The following TRAPPC9 variants were observed in gnomAD, a reference collection of about 807,000 sequenced individuals.
TRAPPC9 encodes IKK2 binding protein.
Under a neutral mutation model 124.0 loss-of-function variants are expected in TRAPPC9, and 83 were observed. The observed-to-expected ratio is 0.67, with a 90% CI of 0.56 to 0.80. TRAPPC9 has a LOEUF of 0.80. Ranked by LOEUF, TRAPPC9 falls within the 30% of genes least tolerant of loss-of-function variation. TRAPPC9 has a pLI of 0.00. For synonymous variants in TRAPPC9, 638 were observed against 617.5 expected, an observed-to-expected ratio of 1.03 and a Z score of -0.49; for missense variants, 1,302 against 1,508.3, an observed-to-expected ratio of 0.86 and a Z score of 2.27.
At chr8:140,412,864 G>C (rs796759802) in intron 5 of TRAPPC9, among the ~76,000 whole-genome samples, 9 of 144,290 alleles carry the variant, frequency 6.2e-5, no homozygotes, top group African/African-American at 2.2e-4. Context: ...TATACAACTG[G>C]GAATATAAAT....
intron 17 of TRAPPC9, among the ~76,000 whole-genome samples, chr8:140,208,793 A>C (rs1230988384): frequency 6.6e-6 from 1 of 152,224 alleles, no homozygotes; most frequent in Non-Finnish European, 1.5e-5. Context: ...CCCTTGAACA[A>C]CATGGGTCTG....
intron 19 of TRAPPC9, among the ~76,000 whole-genome samples, chr8:139,974,082 A>AGGC (rs1836281424): frequency 6.6e-6 from 1 of 152,110 alleles, no homozygotes; most frequent in South Asian, 2.1e-4. Flanking sequence ...CGTCAGGGAG[A>AGGC]GGCGGTGAGG....
In TRAPPC9 at chr8:140,397,624, C is replaced by T; in HGVS notation, c.1130G>A (p.Arg377Gln). ...TACAGGTAGACATACACTCACCTGTCGAAGGTTAATGTAAACTGCATTCTG... is the reference window on the plus strand; with the variant it reads ...TACAGGTAGACATACACTCACCTGTTGAAGGTTAATGTAAACTGCATTCTG... ...FLQNAVYINLRQLSEEEKIQR... is the reference protein window; with the variant it reads ...FLQNAVYINLQQLSEEEKIQR... Residue 377 changes from arginine (R) to glutamine (Q), a missense_variant, in exon 7 of 23, where the codon CGA (arginine) becomes CAA (glutamine). Transcript: ENST00000438773. 1 of 1,614,026 alleles carries T rather than the reference C, an allele frequency of 6.2e-7. No homozygotes were observed. Among genetic ancestry groups the T allele is most frequent in the Non-Finnish European group, 8.5e-7 (1 of 1,179,974 alleles).
intron 21 of TRAPPC9, among the ~76,000 whole-genome samples, chr8:139,823,356 G>T (rs1054937170): frequency 3.9e-5 from 6 of 152,012 alleles, no homozygotes; most frequent in Admixed American, 6.6e-5. Flanking sequence ...AGGCTAAGGG[G>T]CTCAAGCAAG....
chr8:139,957,850 C>T (rs1231324452), intron 19 of TRAPPC9, among the ~76,000 whole-genome samples: 1 of 152,226 alleles, frequency 6.6e-6, no homozygotes, highest in African/African-American at 2.4e-5. Context: ...CCAACCATCC[C>T]AGCCTCCTCT....
chr8:139,734,274 C>G (rs557989445), intron 21 of TRAPPC9, among the ~76,000 whole-genome samples: 2 of 152,192 alleles, frequency 1.3e-5, no homozygotes, highest in Admixed American at 1.3e-4. Context: ...TTTAAGGGTA[C>G]GCAATTCTGA....
intron 18 of TRAPPC9, among the ~76,000 whole-genome samples, chr8:140,022,179 G>C (rs1456299600): frequency 6.6e-6 from 1 of 152,204 alleles, no homozygotes; most frequent in Admixed American, 6.5e-5. Flanking sequence ...TCAGCAGAGA[G>C]ACCAATGGGG....
intron 17 of TRAPPC9, among the ~76,000 whole-genome samples, chr8:140,177,009 T>C (rs1408259996): frequency 6.6e-6 from 1 of 152,236 alleles, no homozygotes; most frequent in African/African-American, 2.4e-5. Flanking sequence ...TTTGTCTTAC[T>C]ATTGGTTGTA....
At chr8:140,322,117 AG>A (rs1227412787) in intron 9 of TRAPPC9, among the ~76,000 whole-genome samples, 3 of 152,214 alleles carry the variant, frequency 2.0e-5, no homozygotes, top group Admixed American at 1.3e-4. Context: ...CCCAAAATGC[AG>A]AAAGCCAGAG....
intron 19 of TRAPPC9, among the ~76,000 whole-genome samples, chr8:139,927,535 T>C (rs1429512957): frequency 6.6e-6 from 1 of 152,192 alleles, no homozygotes; most frequent in Non-Finnish European, 1.5e-5. Flanking sequence ...TGTGAGCCAC[T>C]GCACCTGACC....
intron 19 of TRAPPC9, among the ~76,000 whole-genome samples, chr8:139,922,374 C>T (rs557483415): frequency 9.9e-4 from 151 of 152,270 alleles, no homozygotes; most frequent in Non-Finnish European, 1.7e-3. Flanking sequence ...AGTAGAGATG[C>T]GGTTTCACCA....
At chr8:140,408,459 G>A (rs975597052) in intron 5 of TRAPPC9, among the ~76,000 whole-genome samples, 8 of 152,098 alleles carry the variant, frequency 5.3e-5, no homozygotes, top group African/African-American at 1.9e-4. Flanking sequence ...AAAGAAGGAA[G>A]ACAGCAGAGA....
At chr8:140,250,906 G>T (rs911632636) in intron 16 of TRAPPC9, among the ~76,000 whole-genome samples, 2 of 152,110 alleles carry the variant, frequency 1.3e-5, no homozygotes, top group Non-Finnish European at 2.9e-5. Flanking sequence ...ATAGAAGAAG[G>T]TATTCCCAGG....
chr8:140,006,822 G>C (rs541737171), intron 18 of TRAPPC9, among the ~76,000 whole-genome samples: 2 of 152,126 alleles, frequency 1.3e-5, no homozygotes, highest in African/African-American at 4.8e-5. Flanking sequence ...CCTAGGGTGC[G>C]GGAGGGAAGT....
intron 9 of TRAPPC9, among the ~76,000 whole-genome samples, chr8:140,351,860 T>G (rs2067590844): frequency 6.6e-6 from 1 of 152,144 alleles, no homozygotes; most frequent in African/African-American, 2.4e-5. Flanking sequence ...TCTTAAAAAC[T>G]TTTGTAACAG....
intron 9 of TRAPPC9, among the ~76,000 whole-genome samples, chr8:140,339,312 T>C (rs972701632): frequency 1.3e-5 from 2 of 152,280 alleles, no homozygotes; most frequent in Non-Finnish European, 2.9e-5. Context: ...GTGAAACATA[T>C]GGCAAGATTA....
At chr8:140,189,908 C>A (rs1388820198) in intron 17 of TRAPPC9, among the ~76,000 whole-genome samples, 1 of 152,204 alleles carries the variant, frequency 6.6e-6, no homozygotes, top group Admixed American at 6.5e-5. Flanking sequence ...ATATGCCAGT[C>A]CGGGAATAAC....
intron 17 of TRAPPC9, among the ~76,000 whole-genome samples, chr8:140,024,644 G>A (rs565353205): frequency 1.3e-5 from 2 of 152,224 alleles, no homozygotes; most frequent in African/African-American, 2.4e-5. Context: ...TGATCCACCC[G>A]CCTCGGCCTC....
intron 9 of TRAPPC9, among the ~76,000 whole-genome samples, chr8:140,329,203 G>C (rs1351959662): frequency 1.3e-5 from 2 of 152,128 alleles, no homozygotes; most frequent in African/African-American, 4.8e-5. Flanking sequence ...AACACATCTG[G>C]AAAGAATGCT....
Sources: allele counts gnomAD v4.1 joint callset (sites outside exome capture counted in the v4.1 genomes callset), GRCh38; gene constraint gnomAD v4.1.1; transcripts MANE v1.5; gene names NCBI Gene and HGNC (gene_info 2026-07-23, HGNC 2026-07-21).